Variants in VSNL1 observed in about 807,000 individuals in gnomAD.
VSNL1 encodes the protein visinin like 1.
VSNL1 carries 6 observed loss-of-function variants against 20.4 expected under a neutral mutation model. That is an observed-to-expected ratio of 0.29 (90% CI 0.16 to 0.58). The LOEUF is 0.58. VSNL1 is among the 20% of genes least tolerant of loss of function. The probability of loss-of-function intolerance (pLI) is 0.90; values close to 1 mark genes in which losing one functional copy is unlikely to be tolerated. For missense variants in VSNL1, 100 were observed against 234.5 expected, an observed-to-expected ratio of 0.43 and a Z score of 3.75; for synonymous variants, 93 against 86.4, an observed-to-expected ratio of 1.08 and a Z score of -0.42.
intron 2 of VSNL1, among the ~76,000 whole-genome samples, chr2:17,640,759 C>T (rs1665866819): frequency 6.6e-6 from 1 of 151,960 alleles, no homozygotes; most frequent in African/African-American, 2.4e-5. Flanking sequence ...TATTTTGATA[C>T]CTGTAAATAA....
chr2:17,647,707 T>A (rs535936578), intron 2 of VSNL1, among the ~76,000 whole-genome samples: 1 of 152,174 alleles, frequency 6.6e-6, no homozygotes, highest in African/African-American at 2.4e-5. Context: ...GCTCATTTAC[T>A]GAGCTTTAGT....
At chr2:17,653,259 C>T (rs1666159132) in intron 3 of VSNL1, among the ~76,000 whole-genome samples, 1 of 152,146 alleles carries the variant, frequency 6.6e-6, no homozygotes, top group East Asian at 1.9e-4. Context: ...GAGATCCTGC[C>T]ATTTTCAGAG....
rs34750913 is a variant in VSNL1 at position 17,610,090 on chromosome 2, G to A, written c.162+17854G>A. On this transcript the variant is annotated intron_variant, in intron 2 of 3. Coordinates refer to ENST00000295156, the MANE Select transcript of VSNL1 (RefSeq NM_003385.5). ...CAGGGGCATCAGGCAGTGCCACATAGGGTAAGGGACAAACACCTAGCGTGA... is the reference window on the plus strand; with the variant it reads ...CAGGGGCATCAGGCAGTGCCACATAAGGTAAGGGACAAACACCTAGCGTGA... Among the ~76,000 whole-genome samples the A allele has an allele frequency of 3.9e-5, 6 of 152,346 alleles. No homozygotes were observed. The East Asian group carries it at 1.2e-3, about 29-fold the overall frequency.
chr2:17,604,037 T>C (rs991896623), intron 2 of VSNL1, among the ~76,000 whole-genome samples: 1 of 152,128 alleles, frequency 6.6e-6, no homozygotes, highest in Middle Eastern at 3.2e-3. Context: ...TCTGGGAAGA[T>C]AAAGCCTTCA....
chr2:17,641,911 T>C (rs1665890169), intron 2 of VSNL1, among the ~76,000 whole-genome samples: 1 of 152,234 alleles, frequency 6.6e-6, no homozygotes, highest in African/African-American at 2.4e-5. Flanking sequence ...AAGGGAATGG[T>C]AGGTGCTTTG....
In VSNL1 at chr2:17,655,568, T is replaced by A. The variant is rs1666214758; in HGVS notation, c.*174T>A. Reference sequence around the variant, plus strand: ...TTTGAAACACTCGTGTGCATGAGAATGTCATTTGCTAATGAATTTTAAAAG... The same window carrying A: ...TTTGAAACACTCGTGTGCATGAGAAAGTCATTTGCTAATGAATTTTAAAAG... On this transcript the variant is annotated 3_prime_UTR_variant, in exon 4 of 4. Coordinates refer to ENST00000295156, the MANE Select transcript of VSNL1 (RefSeq NM_003385.5). This position sits in a 1 kb window ranked among gnomAD's most constrained non-coding sequence, Gnocchi z 5.2. The A allele has an allele frequency of 5.0e-6, 3 of 604,618 alleles. No individual in the cohort carries two copies. The highest frequency in any genetic ancestry group is 4.5e-4 in the Middle Eastern group (1 of 2,230). The allele number at this position is 604,618 out of a possible 1,614,324, so 37.5% of individuals were successfully genotyped here. A position where few individuals can be genotyped will look rare whatever the true frequency, so the allele number is the denominator to read the frequency against.
rs538135238 is a variant in VSNL1 at position 17,556,164 on chromosome 2, C to T, written c.-6+15246C>T. 6.6e-5 allele frequency among the ~76,000 whole-genome samples: 10 copies of T among 152,184 alleles called. No homozygotes were observed. In the South Asian group the frequency reaches 1.9e-3, roughly 28 times the overall value. On this transcript the variant is annotated intron_variant, in intron 1 of 3. Coordinates refer to ENST00000295156, the MANE Select transcript of VSNL1 (RefSeq NM_003385.5). ...AGAACTAAAAGAAGAACTCTTGGACCCTGACTTTTACTTCCATTTTAAGGG... is the reference window on the plus strand; with the variant it reads ...AGAACTAAAAGAAGAACTCTTGGACTCTGACTTTTACTTCCATTTTAAGGG...
chr2:17,594,737 G>T (rs932222549), intron 2 of VSNL1, among the ~76,000 whole-genome samples: 1 of 152,118 alleles, frequency 6.6e-6, no homozygotes, highest in African/African-American at 2.4e-5. Context: ...CTTTCCAGGA[G>T]GAAGTCAACT....
At chr2:17,614,930 G>C (rs1276539715) in intron 2 of VSNL1, among the ~76,000 whole-genome samples, 4 of 152,208 alleles carry the variant, frequency 2.6e-5, no homozygotes, top group African/African-American at 9.7e-5. Flanking sequence ...GCATATGCCT[G>C]CACTTAGGAA....
chr2:17,638,017 C>A (rs1172517604), intron 2 of VSNL1, among the ~76,000 whole-genome samples: 1 of 152,190 alleles, frequency 6.6e-6, no homozygotes, highest in East Asian at 1.9e-4. Flanking sequence ...CCCACGTGCT[C>A]AGTTTCTTTG....
chr2:17,589,771 A>G (rs780521191), intron 1 of VSNL1, among the ~76,000 whole-genome samples: 1 of 152,252 alleles, frequency 6.6e-6, no homozygotes, highest in South Asian at 2.1e-4. Context: ...AGAAGCTGAT[A>G]CGTTGTTGAA....
chr2:17,652,939 G>A (rs1411989098), intron 3 of VSNL1, among the ~76,000 whole-genome samples: 3 of 152,200 alleles, frequency 2.0e-5, no homozygotes, highest in Non-Finnish European at 4.4e-5. Context: ...GTCCAGGAAG[G>A]ACTCTGGGCT....
At chr2:17,647,465 C>A (rs994455729) in intron 2 of VSNL1, among the ~76,000 whole-genome samples, 5 of 152,138 alleles carry the variant, frequency 3.3e-5, no homozygotes, top group African/African-American at 1.2e-4. Flanking sequence ...AGCCAAAGTA[C>A]CCTCTAGAAA....
At chr2:17,622,602 A>AAGAG (rs1665411922) in intron 2 of VSNL1, among the ~76,000 whole-genome samples, 1 of 129,884 alleles carries the variant, frequency 7.7e-6, no homozygotes. Flanking sequence ...GAAAGAAAGA[A>AAGAG]AAGAAAGAAA....
intron 1 of VSNL1, among the ~76,000 whole-genome samples, chr2:17,564,044 G>T (rs1663878551): frequency 6.6e-6 from 1 of 152,106 alleles, no homozygotes; most frequent in Non-Finnish European, 1.5e-5. Context: ...AAGGATTTCA[G>T]TTAGGTTTAG....
intron 2 of VSNL1, among the ~76,000 whole-genome samples, chr2:17,626,202 C>G (rs62133588): frequency 6.6e-6 from 1 of 152,216 alleles, no homozygotes; most frequent in South Asian, 2.1e-4. Flanking sequence ...CCTGCAAAAA[C>G]TGGTGCCCTT....
At position 17,579,122 on chromosome 2, in the gene VSNL1, A is replaced by T. The variant is rs552232486; in HGVS notation, c.-5-12948A>T. ...CTTCTTTCTTTCTTTCTTTTTTTTT[A>T]TTTTTTTTTTTGAGACGGAGTCTCG... On this transcript the variant is annotated intron_variant, in intron 1 of 3. Coordinates refer to ENST00000295156, the MANE Select transcript of VSNL1 (RefSeq NM_003385.5). 7.7e-4 allele frequency among the ~76,000 whole-genome samples: 108 copies of T among 140,336 alleles called. No homozygotes were observed. The South Asian group carries it at 0.021, about 28-fold the overall frequency. The allele number at this position is 140,336 out of a possible 152,430, so 92.1% of individuals were successfully genotyped here. A position where few individuals can be genotyped will look rare whatever the true frequency, so the allele number is the denominator to read the frequency against.
rs576130458 is a variant in VSNL1 at position 17,593,009 on chromosome 2, C to G, written c.162+773C>G. 2.6e-5 allele frequency among the ~76,000 whole-genome samples: 4 copies of G among 152,138 alleles called. No individual in the cohort carries two copies. In the East Asian group the frequency reaches 7.7e-4, roughly 29 times the overall value. On this transcript the variant is annotated intron_variant, in intron 2 of 3. Coordinates refer to ENST00000295156, the MANE Select transcript of VSNL1 (RefSeq NM_003385.5). ...AAGTGAAAGAAATACATTTTTAAAA[C>G]TTTTTCTGATTAAAATACCAAATAG...
rs1666214454 is a variant in VSNL1, at chr2:17,655,563, G to A, written c.*169G>A. On this transcript the variant is annotated 3_prime_UTR_variant, in exon 4 of 4. Coordinates refer to ENST00000295156, the MANE Select transcript of VSNL1 (RefSeq NM_003385.5). This position sits in a 1 kb window ranked among gnomAD's most constrained non-coding sequence, Gnocchi z 5.2. ...TTGTGTTTGAAACACTCGTGTGCAT[G>A]AGAATGTCATTTGCTAATGAATTTT... 8.1e-6 allele frequency: 5 copies of A among 618,950 alleles called. No homozygotes were observed. Among genetic ancestry groups the A allele is most frequent in the South Asian group, 4.7e-5 (2 of 42,722 alleles). The allele number at this position is 618,950 out of a possible 1,614,324, so 38.3% of individuals were successfully genotyped here.
Sources: gnomAD v4.1 joint callset for allele counts (sites outside exome capture counted in the v4.1 genomes callset) on GRCh38, gnomAD v4.1.1 for gene constraint, Gnocchi (gnomAD v3.1) non-coding constraint, MANE v1.5 for transcripts, NCBI Gene and HGNC (gene_info 2026-07-23, HGNC 2026-07-21) for gene names.